Variants in RAD17 observed in about 807,000 individuals in gnomAD.
The protein encoded by RAD17 is cell cycle checkpoint protein RAD17.
A neutral mutation model predicts 81.5 loss-of-function variants in RAD17; 31 were observed. The ratio of observed to expected loss-of-function variants is 0.38; its 90% confidence interval spans 0.29 to 0.51. RAD17 has a LOEUF of 0.51. Among genes scored for constraint, RAD17 ranks in the 20% least tolerant of loss-of-function variants. The pLI is 0.88. For synonymous variants in RAD17, 261 were observed against 266.2 expected (o/e 0.98, Z 0.19); for missense variants, 681 against 781.2 (o/e 0.87, Z 1.53).
chr5:69,392,128 GCTAGGT>G, intron 13 of RAD17, 115 bp downstream of exon 13: 2 of 853,746 alleles, frequency 2.3e-6, no homozygotes, highest in African/African-American at 1.8e-5. Flanking sequence ...AAGAGTTAGA[GCTAGGT>G]CAGATACTGT....
intron 13 of RAD17, among the ~76,000 whole-genome samples, chr5:69,392,457 T>C (rs1764608958): frequency 6.6e-6 from 1 of 152,168 alleles, no homozygotes; most frequent in African/African-American, 2.4e-5. Context: ...TTATCGCCTT[T>C]TCTGTCTTTT....
intron 17 of RAD17, among the ~76,000 whole-genome samples, chr5:69,400,806 C>T (rs1372710905): frequency 2.6e-5 from 4 of 151,996 alleles, no homozygotes; most frequent in African/African-American, 4.8e-5. Context: ...TGGTGGCATG[C>T]GCTTGTAATC....
At chr5:69,371,651 A>G in intron 3 of RAD17, 94 bp downstream of exon 3, 1 of 609,202 alleles carries the variant, frequency 1.6e-6, no homozygotes, top group Non-Finnish European at 2.5e-6. Flanking sequence ...CTATCAAAGT[A>G]ATAGAGCCGA....
At chr5:69,375,730 T>C (rs778422268) in intron 6 of RAD17, among the ~76,000 whole-genome samples, 1 of 152,188 alleles carries the variant, frequency 6.6e-6, no homozygotes, top group Non-Finnish European at 1.5e-5. Flanking sequence ...GATGAATTCA[T>C]ATTCACGTTT....
intron 15 of RAD17, among the ~76,000 whole-genome samples, chr5:69,395,578 G>C (rs1189923491): frequency 6.6e-6 from 1 of 152,012 alleles, no homozygotes; most frequent in Non-Finnish European, 1.5e-5. Context: ...ATAAATGCTT[G>C]AGGTAATGGA....
At chr5:69,399,729 C>T (rs1208100707) in intron 16 of RAD17, among the ~76,000 whole-genome samples, 1 of 152,042 alleles carries the variant, frequency 6.6e-6, no homozygotes, top group Non-Finnish European at 1.5e-5. Context: ...AAACTATTTT[C>T]GTGTAATTTA....
At chr5:69,403,579 TA>T (rs1765406063) in intron 17 of RAD17, among the ~76,000 whole-genome samples, 1 of 152,220 alleles carries the variant, frequency 6.6e-6, no homozygotes, top group African/African-American at 2.4e-5. Flanking sequence ...AGTAGATATT[TA>T]GTCTTTAATC....
At chr5:69,373,606 G>A (rs1034906854) in intron 4 of RAD17, among the ~76,000 whole-genome samples, 1 of 151,506 alleles carries the variant, frequency 6.6e-6, no homozygotes, top group African/African-American at 2.4e-5. Context: ...TCAAGAGGCT[G>A]AGGCTGGAGG....
intron 11 of RAD17, among the ~76,000 whole-genome samples, chr5:69,387,814 G>A (rs905710940): frequency 7.2e-5 from 11 of 152,000 alleles, no homozygotes; most frequent in South Asian, 2.1e-4. Context: ...CCGAGATTGC[G>A]CTACTTCACT....
At position 69,373,711 on chromosome 5, in the gene RAD17, T is replaced by G. The variant is rs1437829840; in HGVS notation, c.10-119T>G. The G allele has an allele frequency of 2.1e-5, 9 of 435,602 alleles. 1 individual carries two copies. The highest frequency in any genetic ancestry group is 7.5e-5 in the East Asian group (1 of 13,354). The allele number at this position is 435,602 out of a possible 1,614,324, so 27.0% of individuals were successfully genotyped here. A position where few individuals can be genotyped will look rare whatever the true frequency, so the allele number is the denominator to read the frequency against. ...ATTTTTTTTTTTTTTTTTTTTTTTTTTTTTTAAGTTTTAAAGGTTATAAAT... is the reference window on the plus strand; with the variant it reads ...ATTTTTTTTTTTTTTTTTTTTTTTTGTTTTTAAGTTTTAAAGGTTATAAAT... On this transcript the variant is annotated intron_variant, in intron 4 of 18. Coordinates refer to ENST00000354868, the MANE Select transcript of RAD17 (RefSeq NM_133338.3).
chr5:69,404,405 A>G (rs1343400563), intron 17 of RAD17, among the ~76,000 whole-genome samples: 1 of 152,164 alleles, frequency 6.6e-6, no homozygotes, highest in African/African-American at 2.4e-5. Context: ...CAATAGTAAG[A>G]AAACAACCCA....
chr5:69,373,071 C>T (rs1049226436), intron 4 of RAD17, among the ~76,000 whole-genome samples: 4 of 152,106 alleles, frequency 2.6e-5, no homozygotes, highest in Non-Finnish European at 4.4e-5. Flanking sequence ...CAAGCTGATA[C>T]GGATTATTTG....
chr5:69,399,080 G>T (rs17230151), intron 16 of RAD17, among the ~76,000 whole-genome samples: 2 of 151,946 alleles, frequency 1.3e-5, no homozygotes, highest in Non-Finnish European at 2.9e-5. Context: ...CAGCAATATA[G>T]TGAGATCCCA....
chr5:69,390,707 C>G (rs534382264), intron 12 of RAD17, among the ~76,000 whole-genome samples: 23 of 151,672 alleles, frequency 1.5e-4, no homozygotes, highest in Admixed American at 6.6e-4. Flanking sequence ...GTTATCCCAA[C>G]ACTATAGGAG....
At chr5:69,401,556 G>A (rs1765268256) in intron 17 of RAD17, among the ~76,000 whole-genome samples, 1 of 152,046 alleles carries the variant, frequency 6.6e-6, no homozygotes, top group Admixed American at 6.6e-5. Flanking sequence ...TATGCCTGTG[G>A]CAGTATACAT....
rs1206743294 is a variant in RAD17 at position 69,410,997 on chromosome 5, ACT to A, written c.1751+448_1751+449del. Among the ~76,000 whole-genome samples, 145 of 143,060 alleles carry A rather than the reference ACT, an allele frequency of 1.0e-3. 6 individuals are homozygous for A. Among genetic ancestry groups the A allele is most frequent in the South Asian group, 5.5e-3 (25 of 4,538 alleles). 93.9% of individuals were successfully genotyped at this position (143,060 alleles called of 152,430 possible). ...TATATATATATATATATATATATAT[ACT>A]GTTCATTTTATTGGAAAGTAGCTTC... On this transcript the variant is annotated intron_variant, in intron 18 of 18. Coordinates refer to ENST00000354868, the MANE Select transcript of RAD17 (RefSeq NM_133338.3).
intron 8 of RAD17, among the ~76,000 whole-genome samples, chr5:69,385,392 C>T (rs535585399): frequency 6.6e-6 from 1 of 151,802 alleles, no homozygotes; most frequent in East Asian, 1.9e-4. Flanking sequence ...CCTCAGCCTC[C>T]CCCGAGTAGT....
upstream of RAD17, chr5:69,369,596 C>T: frequency 6.3e-7 from 1 of 1,591,276 alleles, no homozygotes. Flanking sequence ...CCCAAAGGCC[C>T]CGAAGCCCAC....
intron 18 of RAD17, among the ~76,000 whole-genome samples, chr5:69,413,409 T>C (rs1219712152): frequency 1.3e-5 from 2 of 151,996 alleles, no homozygotes; most frequent in Non-Finnish European, 2.9e-5. Flanking sequence ...ACTGCACTCC[T>C]GCCTGGGCGA....
Sources: allele counts gnomAD v4.1 joint callset (sites outside exome capture counted in the v4.1 genomes callset), GRCh38; gene constraint gnomAD v4.1.1; transcripts MANE v1.5; gene names NCBI Gene and HGNC (gene_info 2026-07-23, HGNC 2026-07-21).